CDK14: variants seen among roughly 807,000 people sequenced by gnomAD.
The protein encoded by CDK14 is cyclin-dependent kinase 14.
CDK14 carries 34 observed loss-of-function variants against 60.7 expected under a neutral mutation model. That is an observed-to-expected ratio of 0.56 (90% CI 0.43 to 0.75). CDK14 has a LOEUF of 0.75. CDK14 is among the 30% of genes least tolerant of loss of function. CDK14 has a pLI of 0.00. For synonymous variants in CDK14, 197 were observed against 203.7 expected (o/e 0.97, Z 0.28); for missense variants, 482 against 564.1 (o/e 0.85, Z 1.47).
intron 10 of CDK14, among the ~76,000 whole-genome samples, chr7:90,985,335 G>GGATA (rs1318181525): frequency 9.2e-5 from 14 of 151,922 alleles, no homozygotes; most frequent in African/African-American, 3.4e-4. Flanking sequence ...GTGAAATGAG[G>GGATA]GATAATAACA....
chr7:91,041,355 C>T (rs1221754949), intron 10 of CDK14, among the ~76,000 whole-genome samples: 1 of 151,990 alleles, frequency 6.6e-6, no homozygotes. Context: ...CTCTGAAATT[C>T]CTCTCCCAAG....
At chr7:90,636,618 A>G (rs552679396) in intron 2 of CDK14, among the ~76,000 whole-genome samples, 72 of 151,846 alleles carry the variant, frequency 4.7e-4, no homozygotes, top group African/African-American at 1.6e-3. Context: ...ATCTCTGCCC[A>G]GCTTTGGTAT....
At chr7:90,932,907 G>A (rs1472701151) in intron 8 of CDK14, among the ~76,000 whole-genome samples, 1 of 152,202 alleles carries the variant, frequency 6.6e-6, no homozygotes, top group Non-Finnish European at 1.5e-5. Context: ...CTCAAAGGAA[G>A]AATATTCCAC....
At chr7:90,818,254 T>C (rs577759220) in intron 5 of CDK14, among the ~76,000 whole-genome samples, 2 of 152,298 alleles carry the variant, frequency 1.3e-5, no homozygotes, top group South Asian at 4.1e-4. Context: ...CCTGGAAAAA[T>C]GGATTAACCA....
intron 4 of CDK14, among the ~76,000 whole-genome samples, chr7:90,769,424 G>A (rs1309145235): frequency 1.3e-5 from 2 of 151,718 alleles, no homozygotes; most frequent in Non-Finnish European, 2.9e-5. Context: ...CACACACAAA[G>A]GAGAAACATT....
chr7:90,787,382 C>T (rs1210218445), intron 4 of CDK14, among the ~76,000 whole-genome samples: 2 of 151,974 alleles, frequency 1.3e-5, no homozygotes, highest in Non-Finnish European at 2.9e-5. Flanking sequence ...TATGTAGATG[C>T]AGTAAACATA....
chr7:90,634,191 T>C (rs1800075549), intron 2 of CDK14, among the ~76,000 whole-genome samples: 1 of 151,948 alleles, frequency 6.6e-6, no homozygotes, highest in Admixed American at 6.6e-5. Flanking sequence ...ATGTGCAGGT[T>C]AGTTACATAT....
intron 4 of CDK14, among the ~76,000 whole-genome samples, chr7:90,765,070 A>C (rs1205040159): frequency 6.6e-6 from 1 of 152,310 alleles, no homozygotes; most frequent in East Asian, 1.9e-4. Flanking sequence ...CAAGAGAGGA[A>C]CCAAGGGCTT....
chr7:90,765,546 G>A (rs950302161), intron 4 of CDK14, among the ~76,000 whole-genome samples: 2 of 149,744 alleles, frequency 1.3e-5, no homozygotes, highest in Admixed American at 1.3e-4. Flanking sequence ...CAGATATTCA[G>A]AAAAGTCAAA....
chr7:91,014,818 T>TG (rs1443901510), intron 10 of CDK14, among the ~76,000 whole-genome samples: 1 of 152,220 alleles, frequency 6.6e-6, no homozygotes, highest in African/African-American at 2.4e-5. Flanking sequence ...AGTGTCCACC[T>TG]GCCTAGCTGT....
At chr7:90,778,144 TTC>T (rs1304629368) in intron 4 of CDK14, among the ~76,000 whole-genome samples, 1 of 152,228 alleles carries the variant, frequency 6.6e-6, no homozygotes, top group East Asian at 1.9e-4. Context: ...ATACCAATGC[TTC>T]CTTTATGTCT....
intron 5 of CDK14, among the ~76,000 whole-genome samples, chr7:90,837,958 G>A (rs1790167149): frequency 6.6e-6 from 1 of 152,034 alleles, no homozygotes; most frequent in African/African-American, 2.4e-5. Context: ...TGTGTTGTTT[G>A]GAAAAACATA....
At chr7:90,665,456 T>C (rs1003342673) in intron 2 of CDK14, among the ~76,000 whole-genome samples, 2 of 152,192 alleles carry the variant, frequency 1.3e-5, no homozygotes, top group Admixed American at 6.5e-5. Flanking sequence ...CAGGAAAATA[T>C]GCAATGGATA....
At position 90,596,448 on chromosome 7, in the gene CDK14, G is replaced by C. The variant is rs992683121; in HGVS notation, c.-180G>C. The C allele has an allele frequency of 8.1e-6, 4 of 496,048 alleles. No individual in the cohort carries two copies. In the South Asian group the frequency reaches 1.1e-4, roughly 13 times the overall value. 30.7% of individuals were successfully genotyped at this position (496,048 alleles called of 1,614,324 possible). A position where few individuals can be genotyped will look rare whatever the true frequency, so the allele number is the denominator to read the frequency against. ...GCCCAGCTGCGGCCCAGGCCGGAGC[G>C]GAGCCTGCCGTCCTCCGCCTGCCTG... On this transcript the variant is annotated 5_prime_UTR_variant, in exon 1 of 15. Coordinates refer to ENST00000380050, the MANE Select transcript of CDK14 (RefSeq NM_001287135.2).
chr7:91,169,879 G>A (rs185234836), intron 14 of CDK14, among the ~76,000 whole-genome samples: 4 of 152,210 alleles, frequency 2.6e-5, no homozygotes. Context: ...ATCCCTACTC[G>A]GCCCAAATAG....
chr7:90,807,314 C>T (rs952520414), intron 5 of CDK14, among the ~76,000 whole-genome samples: 5 of 152,274 alleles, frequency 3.3e-5, no homozygotes, highest in South Asian at 2.1e-4. Context: ...TTCACCAATA[C>T]CTGCTGTTCT....
intron 4 of CDK14, among the ~76,000 whole-genome samples, chr7:90,782,540 T>C (rs1038031873): frequency 3.3e-5 from 5 of 152,186 alleles, no homozygotes; most frequent in Admixed American, 3.3e-4. Flanking sequence ...TGGAATCTCT[T>C]TGACATGCCT....
intron 5 of CDK14, among the ~76,000 whole-genome samples, chr7:90,854,505 G>A (rs1711998371): frequency 6.6e-6 from 1 of 152,024 alleles, no homozygotes; most frequent in African/African-American, 2.4e-5. Context: ...CTCCAGCCTG[G>A]GCAATAGAGC....
chr7:90,802,234 C>T (rs10244624), intron 5 of CDK14, among the ~76,000 whole-genome samples: 66,177 of 151,974 alleles, frequency 0.44, 15,200 homozygotes, highest in East Asian at 0.82. Context: ...AACATTTGAC[C>T]CTGTGTAGTA....
Sources: allele counts gnomAD v4.1 joint callset (sites outside exome capture counted in the v4.1 genomes callset), GRCh38; gene constraint gnomAD v4.1.1; transcripts MANE v1.5; gene names NCBI Gene and HGNC (gene_info 2026-07-23, HGNC 2026-07-21).